TNPO3: variants seen among roughly 807,000 people sequenced by gnomAD.
TNPO3 encodes the protein transportin 3, also known as transportin-3.
In TNPO3, 65 loss-of-function variants were observed where a neutral mutation model predicts 122.8. The ratio of observed to expected loss-of-function variants is 0.53; its 90% CI spans 0.43 to 0.65. The LOEUF (loss-of-function observed/expected upper bound fraction) is 0.65, where lower values mean the gene tolerates loss of function less well. TNPO3 is among the 30% of genes least tolerant of loss of function. TNPO3 has a pLI of 0.00. For synonymous variants in TNPO3, 372 were observed against 411.2 expected (o/e 0.90, Z 1.15); for missense variants, 850 against 1,136.7 (o/e 0.75, Z 3.63).
rs1249153567 is a variant in TNPO3, at chr7:129,009,221, T to C, written c.553-4062A>G. 2.0e-5 allele frequency among the ~76,000 whole-genome samples: 3 copies of C among 152,166 alleles called. No individual in the cohort carries two copies. In the East Asian group the frequency reaches 5.8e-4, roughly 29 times the overall value. ...TAGAAGCACAGGTTCAGTTTAGCTA[T>C]GAGAGCAAGCAGAAACACGTTTAAA... On this transcript the variant is annotated intron_variant, in intron 4 of 22. Transcript: ENST00000265388.
Position 129,040,281 on chromosome 7 carries a change from A to G in TNPO3, c.120+14370T>C, listed in dbSNP as rs1298183596. Among the ~76,000 whole-genome samples, 5 of 151,994 alleles carry G rather than the reference A, an allele frequency of 3.3e-5. No homozygotes were observed. In the South Asian group the frequency reaches 1.0e-3, roughly 32 times the overall value. ...AAAAAAAAAAAAAAAGAAAATGTCC[A>G]AAACTTGATGGATAAAGAAATCTCT... On this transcript the variant is annotated intron_variant, in intron 1 of 22. Transcript: ENST00000265388.
chr7:129,056,133 A>G, upstream of TNPO3: 2 of 1,028,578 alleles, frequency 1.9e-6, no homozygotes, highest in Non-Finnish European at 3.1e-6. Flanking sequence ...TGCCGACACC[A>G]AGGTGATTTG....
intron 1 of TNPO3, among the ~76,000 whole-genome samples, chr7:129,038,476 C>T (rs1418569770): frequency 2.6e-5 from 4 of 152,214 alleles, no homozygotes; most frequent in African/African-American, 9.6e-5. Flanking sequence ...AATCCCATTA[C>T]TGGATGTATA....
At chr7:129,028,379 A>G (rs1408197913) in intron 1 of TNPO3, among the ~76,000 whole-genome samples, 1 of 152,222 alleles carries the variant, frequency 6.6e-6, no homozygotes, top group South Asian at 2.1e-4. Flanking sequence ...AATAAAATGT[A>G]TAACTGTATA....
intron 1 of TNPO3, among the ~76,000 whole-genome samples, chr7:129,052,399 C>T (rs1245752628): frequency 6.6e-6 from 1 of 152,188 alleles, no homozygotes; most frequent in Non-Finnish European, 1.5e-5. Context: ...GGATGTTAAC[C>T]GTTCAGCTAT....
At chr7:129,011,487 C>T (rs148715708) in intron 4 of TNPO3, among the ~76,000 whole-genome samples, 6,762 of 151,974 alleles carry the variant, frequency 0.044, 203 homozygotes, top group Middle Eastern at 0.1. Context: ...GGGACTACAG[C>T]TGCATGCCAC....
chr7:129,014,099 A>G lies in TNPO3; in HGVS notation c.552+880T>C, dbSNP rs537455134. ...TAGTTAATAATTTATTGAGTACTTC[A>G]AAATAGCTGAAAGAGAAGATTTAGA... On this transcript the variant is annotated intron_variant, in intron 4 of 22. Coordinates refer to ENST00000265388, the MANE Select transcript of TNPO3 (RefSeq NM_012470.4). 1.8e-4 allele frequency among the ~76,000 whole-genome samples: 28 copies of G among 152,360 alleles called. No homozygotes were observed. In the South Asian group the frequency reaches 5.6e-3, roughly 30 times the overall value.
chr7:129,027,598 A>AC (rs1334633296), intron 1 of TNPO3, among the ~76,000 whole-genome samples: 4 of 139,312 alleles, frequency 2.9e-5, no homozygotes, highest in Non-Finnish European at 6.3e-5. Context: ...AAAACAACAC[A>AC]AAAAATTCAC....
rs756347832 is a variant in TNPO3, at chr7:128,986,837, A to C, written c.1582T>G (p.Ser528Ala). The C allele has an allele frequency of 6.8e-6, 11 of 1,614,102 alleles. No individual in the cohort carries two copies. The South Asian group carries it at 1.1e-4, about 16-fold the overall frequency. The change falls in exon 12 of 23, where the codon TCT becomes GCT. Residue 528 changes from serine to alanine, a missense_variant. By Grantham distance (99) the Ser-to-Ala change is moderately conservative (BLOSUM62 1). Coordinates refer to ENST00000265388, the MANE Select transcript of TNPO3 (RefSeq NM_012470.4). Reference protein sequence around the residue: ...AAAKAIHNICSVCRDHMAQHF... With the variant: ...AAAKAIHNICAVCRDHMAQHF... ...TGAGCCATGTGATCTCGGCAGACAG[A>C]GCAAATGTTATGAATGGCTTTGGCT...
chr7:129,046,134 T>C (rs1291745967), intron 1 of TNPO3, among the ~76,000 whole-genome samples: 4 of 135,880 alleles, frequency 2.9e-5, no homozygotes, highest in Non-Finnish European at 6.1e-5. Context: ...AGGTGGAGGT[T>C]GCAGTGAGCC....
chr7:129,029,751 G>A (rs780340615), intron 1 of TNPO3: 15 of 152,154 alleles, frequency 9.9e-5, no homozygotes, highest in South Asian at 2.1e-4. Context: ...GGGCCGTCGC[G>A]GTGGCTCATG....
intron 1 of TNPO3, among the ~76,000 whole-genome samples, chr7:129,048,470 C>A (rs979812166): frequency 6.6e-6 from 1 of 152,058 alleles, no homozygotes; most frequent in Non-Finnish European, 1.5e-5. Context: ...GCGGAGGTTG[C>A]AGTGAGCCAA....
At chr7:128,992,113 T>C (rs780748037) in intron 9 of TNPO3, 23 bp from the exon 10 acceptor site, 6 of 1,403,112 alleles carry the variant, frequency 4.3e-6, no homozygotes, top group South Asian at 1.2e-5. Flanking sequence ...AGGTGGATTA[T>C]GGATCCATTA....
At chr7:128,983,778 T>C (rs1585333794) in intron 13 of TNPO3, among the ~76,000 whole-genome samples, 1 of 152,136 alleles carries the variant, frequency 6.6e-6, no homozygotes, top group Admixed American at 6.5e-5. Context: ...ATACCTTCCA[T>C]ATTTTGATTT....
At chr7:128,978,078 T>C (rs1270919759) in intron 16 of TNPO3, among the ~76,000 whole-genome samples, 1 of 152,162 alleles carries the variant, frequency 6.6e-6, no homozygotes, top group Non-Finnish European at 1.5e-5. Context: ...GTCCTGCAAA[T>C]GCAGGATTGG....
chr7:129,018,118 G>A lies in TNPO3; in HGVS notation c.160C>T (p.Arg54Trp), dbSNP rs758601463. 2.5e-6 allele frequency: 4 copies of A among 1,613,972 alleles called. No individual in the cohort carries two copies. The highest frequency in any genetic ancestry group is 1.1e-5 in the South Asian group (1 of 91,088). ...WEISDQLLQI[R>W]QDVESCYFAA... ...AAATAGCATGACTCCACATCCTGCC[G>A]GATCTGTAACAACTGGTCTGAGATC... Residue 54 changes from arginine to tryptophan, a missense_variant, in exon 2 of 23, where the codon CGG (arginine) becomes TGG (tryptophan). Arg to Trp is a moderately radical substitution (Grantham distance 101). Coordinates refer to ENST00000265388, the MANE Select transcript of TNPO3 (RefSeq NM_012470.4).
chr7:129,037,887 C>A (rs1036835678), intron 1 of TNPO3, among the ~76,000 whole-genome samples: 2 of 151,852 alleles, frequency 1.3e-5, no homozygotes, highest in African/African-American at 4.8e-5. Flanking sequence ...GAAAAAAAAA[C>A]TATTTTGCAC....
chr7:128,977,574 G>A (rs1005157942), intron 16 of TNPO3, among the ~76,000 whole-genome samples: 1 of 150,666 alleles, frequency 6.6e-6, no homozygotes, highest in African/African-American at 2.4e-5. Context: ...AATTTAAGGG[G>A]GAACTCATTC....
rs535751749 is a variant in TNPO3 at position 128,988,528 on chromosome 7, T to C, written c.1498+1433A>G. Reference sequence around the variant, plus strand: ...GTTTTGACTATTCTGAGTATGAACATAGAGCAATCTGTCTACTGCTGAGGC... The same window carrying C: ...GTTTTGACTATTCTGAGTATGAACACAGAGCAATCTGTCTACTGCTGAGGC... On this transcript the variant is annotated intron_variant, in intron 11 of 22. Transcript: ENST00000265388. Among the ~76,000 whole-genome samples, 19 of 152,264 alleles carry C rather than the reference T, an allele frequency of 1.2e-4. No individual in the cohort carries two copies. In the East Asian group the frequency reaches 2.7e-3, roughly 22 times the overall value.
Sources: allele counts gnomAD v4.1 joint callset (sites outside exome capture counted in the v4.1 genomes callset), GRCh38; gene constraint gnomAD v4.1.1; transcripts MANE v1.5; gene names NCBI Gene and HGNC (gene_info 2026-07-23, HGNC 2026-07-21).